The following MNAT1 variants were observed in gnomAD, a reference collection of about 807,000 sequenced individuals.
MNAT1 encodes the protein CDK-activating kinase assembly factor MAT1.
In MNAT1, 43 loss-of-function variants were observed where a neutral mutation model predicts 42.0. The ratio of observed to expected loss-of-function variants is 1.02; its 90% CI spans 0.80 to 1.32. The LOEUF (loss-of-function observed/expected upper bound fraction) is 1.32. Ranked by LOEUF, MNAT1 falls within the 40% of genes most tolerant of loss-of-function variation. MNAT1 has a pLI of 0.00. For missense variants in MNAT1, 306 were observed against 350.4 expected (o/e 0.87, Z 1.01); for synonymous variants, 118 against 120.0 (o/e 0.98, Z 0.11).
chr14:60,894,637 A>T (rs2034914336), intron 7 of MNAT1, among the ~76,000 whole-genome samples: 2 of 151,916 alleles, frequency 1.3e-5, no homozygotes, highest in Admixed American at 1.3e-4. Context: ...CAAGTTTTTC[A>T]TACTTAACAT....
intron 3 of MNAT1, 116 bp from the exon 4 acceptor site, chr14:60,808,209 A>G (rs1295412267): frequency 1.7e-6 from 1 of 590,408 alleles, no homozygotes; most frequent in Non-Finnish European, 2.9e-6. Context: ...GGTCACAAAT[A>G]GAGCTATAAA....
intron 1 of MNAT1, among the ~76,000 whole-genome samples, chr14:60,742,507 T>A (rs189761392): frequency 6.6e-6 from 1 of 152,340 alleles, no homozygotes; most frequent in Non-Finnish European, 1.5e-5. Flanking sequence ...AGGTATGTTT[T>A]TAAAAAACTA....
chr14:60,960,580 C>G (rs966312615), intron 7 of MNAT1, among the ~76,000 whole-genome samples: 1 of 152,108 alleles, frequency 6.6e-6, no homozygotes, highest in African/African-American at 2.4e-5. Flanking sequence ...AGTCCAAAAC[C>G]AAAGTTGGGA....
At chr14:60,781,907 A>G (rs1173001909) in intron 1 of MNAT1, among the ~76,000 whole-genome samples, 1 of 149,186 alleles carries the variant, frequency 6.7e-6, no homozygotes, top group African/African-American at 2.5e-5. Flanking sequence ...GATTTGTAAT[A>G]CTACCTCTTT....
At chr14:60,831,885 T>C (rs1333192376) in intron 6 of MNAT1, among the ~76,000 whole-genome samples, 1 of 152,222 alleles carries the variant, frequency 6.6e-6, no homozygotes, top group Non-Finnish European at 1.5e-5. Flanking sequence ...TGGCATGAGA[T>C]GGTATCTCAT....
intron 6 of MNAT1, among the ~76,000 whole-genome samples, chr14:60,832,539 A>C (rs1450035716): frequency 1.3e-5 from 2 of 151,852 alleles, no homozygotes; most frequent in South Asian, 2.1e-4. Flanking sequence ...TGGTCTATAT[A>C]TCTGTTTTGG....
At chr14:60,958,630 A>T in intron 7 of MNAT1, among the ~76,000 whole-genome samples, 1 of 90,802 alleles carries the variant, frequency 1.1e-5, no homozygotes, top group Admixed American at 1.3e-4. Context: ...TTTCGAGACA[A>T]GGTCTTTTTT....
intron 6 of MNAT1, among the ~76,000 whole-genome samples, chr14:60,831,192 T>C (rs2033203833): frequency 6.6e-6 from 1 of 151,822 alleles, no homozygotes; most frequent in Non-Finnish European, 1.5e-5. Context: ...GAGATACATA[T>C]GGGATACATG....
intron 1 of MNAT1, among the ~76,000 whole-genome samples, chr14:60,767,459 G>A (rs2030873060): frequency 6.6e-6 from 1 of 152,116 alleles, no homozygotes; most frequent in Non-Finnish European, 1.5e-5. Flanking sequence ...CCTATTTTAA[G>A]GGACTTAAGA....
At chr14:60,914,587 A>G (rs2035471124) in intron 7 of MNAT1, among the ~76,000 whole-genome samples, 1 of 151,980 alleles carries the variant, frequency 6.6e-6, no homozygotes. Context: ...GCTGTCTAAT[A>G]TGCTATGTAT....
intron 7 of MNAT1, among the ~76,000 whole-genome samples, chr14:60,894,493 A>G (rs2034911279): frequency 6.6e-6 from 1 of 152,104 alleles, no homozygotes; most frequent in Non-Finnish European, 1.5e-5. Flanking sequence ...AAGTTATTAA[A>G]TTAAATAAAC....
At chr14:60,907,782 C>CA (rs71114166) in intron 7 of MNAT1, among the ~76,000 whole-genome samples, 29,104 of 77,648 alleles carry the variant, frequency 0.37, 6,690 homozygotes, top group East Asian at 0.56. Flanking sequence ...AACTGTGTCT[C>CA]AAAAAAAAAA....
intron 6 of MNAT1, among the ~76,000 whole-genome samples, chr14:60,842,538 T>C (rs1447970675): frequency 2.0e-5 from 3 of 152,242 alleles, no homozygotes; most frequent in African/African-American, 7.2e-5. Flanking sequence ...CCATTGATTC[T>C]TATTTTGTTC....
At chr14:60,954,150 T>C (rs1379413867) in intron 7 of MNAT1, among the ~76,000 whole-genome samples, 1 of 152,150 alleles carries the variant, frequency 6.6e-6, no homozygotes, top group Non-Finnish European at 1.5e-5. Context: ...CATGCCTCTT[T>C]GTTCATTTCC....
intron 1 of MNAT1, among the ~76,000 whole-genome samples, chr14:60,789,035 G>A (rs2031737660): frequency 6.6e-6 from 1 of 152,130 alleles, no homozygotes; most frequent in Admixed American, 6.5e-5. Context: ...CTCAGCTTAT[G>A]ATACACCCTC....
intron 7 of MNAT1, among the ~76,000 whole-genome samples, chr14:60,927,710 C>T (rs2035795244): frequency 6.6e-6 from 1 of 152,174 alleles, no homozygotes; most frequent in Non-Finnish European, 1.5e-5. Context: ...CACCTTCTTT[C>T]TGTTTCTGCT....
At chr14:60,928,548 A>G (rs943290510) in intron 7 of MNAT1, among the ~76,000 whole-genome samples, 1 of 152,120 alleles carries the variant, frequency 6.6e-6, no homozygotes, top group African/African-American at 2.4e-5. Context: ...CATTGTTGCG[A>G]GTAAAAATTG....
chr14:60,936,484 T>C (rs1049415189), intron 7 of MNAT1, among the ~76,000 whole-genome samples: 1 of 151,404 alleles, frequency 6.6e-6, no homozygotes, highest in African/African-American at 2.4e-5. Flanking sequence ...TGTTTGGTTT[T>C]TTGTCCTTGC....
intron 4 of MNAT1, chr14:60,809,155 G>A (rs576181225): frequency 2.8e-4 from 42 of 152,164 alleles, no homozygotes; most frequent in African/African-American, 9.9e-4. Flanking sequence ...GTACAGTTTG[G>A]CTTTCTAGTT....
Sources: allele counts gnomAD v4.1 joint callset (sites outside exome capture counted in the v4.1 genomes callset), GRCh38; gene constraint gnomAD v4.1.1; transcripts MANE v1.5; gene names NCBI Gene and HGNC (gene_info 2026-07-23, HGNC 2026-07-21).